CEP112: variants seen among roughly 807,000 people sequenced by gnomAD.
The protein encoded by CEP112 is centrosomal protein of 112 kDa.
CEP112 carries 127 observed loss-of-function variants against 153.0 expected under a neutral mutation model. The observed-to-expected ratio is 0.83, with a 90% CI of 0.72 to 0.96. The LOEUF is 0.96. Ranked by LOEUF, CEP112 falls within the 40% of genes least tolerant of loss-of-function variation. The pLI, the probability that CEP112 is intolerant of heterozygous loss-of-function variation, is 0.00. For synonymous variants in CEP112, 358 were observed against 374.4 expected, an observed-to-expected ratio of 0.96 and a Z score of 0.51; for missense variants, 1,089 against 1,101.2, an observed-to-expected ratio of 0.99 and a Z score of 0.16.
At chr17:65,656,466 T>C (rs966960242) in intron 24 of CEP112, among the ~76,000 whole-genome samples, 1 of 152,256 alleles carries the variant, frequency 6.6e-6, no homozygotes, top group African/African-American at 2.4e-5. Context: ...CTTACATTTA[T>C]GCGTGTTGCA....
intron 12 of CEP112, among the ~76,000 whole-genome samples, chr17:66,048,879 G>T (rs771437659): frequency 1.3e-5 from 2 of 152,160 alleles, no homozygotes; most frequent in Non-Finnish European, 2.9e-5. Flanking sequence ...AAAATATTGG[G>T]ATTACAGGGG....
chr17:66,177,854 TC>T (rs965210681), intron 2 of CEP112, among the ~76,000 whole-genome samples: 1 of 152,136 alleles, frequency 6.6e-6, no homozygotes, highest in Non-Finnish European at 1.5e-5. Flanking sequence ...TAACATAATG[TC>T]CCCCAGTTCC....
chr17:65,812,090 A>G (rs904971654), intron 21 of CEP112, among the ~76,000 whole-genome samples: 3 of 150,926 alleles, frequency 2.0e-5, no homozygotes, highest in African/African-American at 7.3e-5. Flanking sequence ...TGCAAGCTCC[A>G]CCTCCCGGGT....
intron 12 of CEP112, among the ~76,000 whole-genome samples, chr17:66,053,319 G>A (rs1283704085): frequency 6.6e-6 from 1 of 151,950 alleles, no homozygotes; most frequent in Admixed American, 6.6e-5. Context: ...GGCCAACATG[G>A]TGAAACCCCC....
At chr17:66,022,937 T>C (rs769994991) in intron 16 of CEP112, among the ~76,000 whole-genome samples, 8 of 151,962 alleles carry the variant, frequency 5.3e-5, no homozygotes, top group Non-Finnish European at 7.4e-5. Context: ...CTTCAACAAT[T>C]GACTGGACCA....
At chr17:65,868,505 TAA>T (rs113334221) in intron 20 of CEP112, among the ~76,000 whole-genome samples, 17 of 140,674 alleles carry the variant, frequency 1.2e-4, no homozygotes, top group African/African-American at 4.2e-4. Context: ...GTCTCAAAAT[TAA>T]AAAAAAAAAA....
At chr17:65,710,869 G>A (rs531202284) in intron 23 of CEP112, among the ~76,000 whole-genome samples, 1 of 152,324 alleles carries the variant, frequency 6.6e-6, no homozygotes, top group South Asian at 2.1e-4. Context: ...CATGAGCTGG[G>A]CTCCAAAGTG....
At chr17:66,176,532 T>C (rs2072481384) in intron 3 of CEP112, 1 of 209,132 alleles carries the variant, frequency 4.8e-6, no homozygotes, top group Non-Finnish European at 9.4e-6. Context: ...AAAATTACCA[T>C]TACAATCCAG....
intron 12 of CEP112, among the ~76,000 whole-genome samples, chr17:66,049,686 G>A (rs1055446882): frequency 3.9e-5 from 6 of 152,244 alleles, no homozygotes; most frequent in African/African-American, 1.4e-4. Context: ...AGGAGGTGGA[G>A]GCTGCAGTGA....
chr17:65,781,186 A>G (rs191333876), intron 21 of CEP112, among the ~76,000 whole-genome samples: 2 of 152,174 alleles, frequency 1.3e-5, no homozygotes, highest in African/African-American at 4.8e-5. Flanking sequence ...TACAAAATCA[A>G]TGTACAAAAA....
intron 20 of CEP112, among the ~76,000 whole-genome samples, chr17:65,884,706 C>CTTTTTTTTTTTTTTTTTT (rs11370374): frequency 7.7e-6 from 1 of 130,660 alleles, no homozygotes. Context: ...TTTGTAGTTT[C>CTTTTTTTTTTTTTTTTTT]TTTTTTTTTT....
At chr17:65,946,283 C>T (rs1160863433) in intron 18 of CEP112, among the ~76,000 whole-genome samples, 1 of 152,190 alleles carries the variant, frequency 6.6e-6, no homozygotes, top group African/African-American at 2.4e-5. Context: ...CCTACATCTT[C>T]GTTTGAAAAT....
chr17:66,027,939 A>G (rs560226370), intron 15 of CEP112, among the ~76,000 whole-genome samples: 2 of 150,210 alleles, frequency 1.3e-5, no homozygotes, highest in South Asian at 4.4e-4. Context: ...AAAGGTGCAA[A>G]AGAGAGAGAC....
chr17:66,072,915 T>C (rs1489207244), intron 8 of CEP112, among the ~76,000 whole-genome samples: 2 of 152,212 alleles, frequency 1.3e-5, no homozygotes, highest in Admixed American at 6.5e-5. Context: ...TACTATATTA[T>C]ATAAAGACAG....
At chr17:65,882,728 T>C (rs1305515028) in intron 20 of CEP112, among the ~76,000 whole-genome samples, 2 of 152,242 alleles carry the variant, frequency 1.3e-5, no homozygotes, top group Non-Finnish European at 2.9e-5. Context: ...GTTATACATA[T>C]GTCTTTGTCA....
rs578046553 is a variant in CEP112 at position 65,653,523 on chromosome 17, G to A, written c.2698-12458C>T. On this transcript the variant is annotated intron_variant, in intron 24 of 26. Coordinates refer to ENST00000535342, the MANE Select transcript of CEP112 (RefSeq NM_001199165.4). ...ATGGCGTGTACTCTGAGGGAGGGTG[G>A]ACAAGGGCAGGCACTGCAATTGGCC... 2.6e-5 allele frequency among the ~76,000 whole-genome samples: 4 copies of A among 152,248 alleles called. No individual in the cohort carries two copies. In the East Asian group the frequency reaches 7.7e-4, roughly 29 times the overall value.
chr17:65,891,514 C>T (rs969215839), intron 20 of CEP112, among the ~76,000 whole-genome samples: 2 of 152,132 alleles, frequency 1.3e-5, no homozygotes, highest in African/African-American at 2.4e-5. Flanking sequence ...AGGAGTTACT[C>T]GTACTTCTTC....
intron 17 of CEP112, among the ~76,000 whole-genome samples, chr17:65,985,811 C>CT (rs1448195753): frequency 6.6e-6 from 1 of 150,668 alleles, no homozygotes; most frequent in African/African-American, 2.4e-5. Context: ...GAAGATGAGG[C>CT]ATAAGACCAC....
chr17:65,679,825 T>A (rs1361447906), intron 24 of CEP112, among the ~76,000 whole-genome samples: 1 of 152,174 alleles, frequency 6.6e-6, no homozygotes, highest in Non-Finnish European at 1.5e-5. Flanking sequence ...CTGGGCATTG[T>A]GGGAGGCAAA....
Sources: allele counts gnomAD v4.1 joint callset (sites outside exome capture counted in the v4.1 genomes callset), GRCh38; gene constraint gnomAD v4.1.1; transcripts MANE v1.5; gene names NCBI Gene and HGNC (gene_info 2026-07-23, HGNC 2026-07-21).